The following PLEKHA8 variants were observed in gnomAD, a reference collection of about 807,000 sequenced individuals.
PLEKHA8 encodes pleckstrin homology domain-containing family A member 8.
A neutral mutation model predicts 68.2 loss-of-function variants in PLEKHA8; 36 were observed. The ratio of observed to expected loss-of-function variants is 0.53; its 90% CI spans 0.40 to 0.70. The LOEUF (loss-of-function observed/expected upper bound fraction) is 0.70. PLEKHA8 is among the 30% of genes least tolerant of loss of function. PLEKHA8 has a pLI of 0.00. For synonymous variants in PLEKHA8, 211 were observed against 216.1 expected (o/e 0.98, Z 0.20); for missense variants, 505 against 615.4 (o/e 0.82, Z 1.90).
intron 9 of PLEKHA8, among the ~76,000 whole-genome samples, chr7:30,058,491 C>CT (rs1793178359): frequency 7.7e-6 from 1 of 130,074 alleles, no homozygotes; most frequent in African/African-American, 2.9e-5. Flanking sequence ...TTTTTTTTTC[C>CT]TTGTGGTAAC....
Position 30,060,924 on chromosome 7 carries a change from T to A in PLEKHA8, c.1080T>A (p.Asp360Glu). 1 of 1,613,546 alleles carries A rather than the reference T, an allele frequency of 6.2e-7. No individual in the cohort carries two copies. Among genetic ancestry groups the A allele is most frequent in the Non-Finnish European group, 8.5e-7 (1 of 1,179,712 alleles). Reference protein sequence around the residue: ...GPTVFAPVKMDLVGNIKKVNQ... With the variant: ...GPTVFAPVKMELVGNIKKVNQ... ...CAGTGTTTGCTCCTGTTAAGATGGA[T>A]CTTGTTGGAAATATTAAGGTGAGCA... The change falls in exon 10 of 14, where the codon GAT (aspartate) becomes GAA (glutamate). Residue 360 changes from aspartate (D) to glutamate (E), a missense_variant. By Grantham distance (45) the Asp-to-Glu change is conservative. Transcript: ENST00000449726.
chr7:30,090,486 G>T, exon 13 of PLEKHA8: 1 of 252,218 alleles, frequency 4.0e-6, no homozygotes, highest in Non-Finnish European at 7.6e-6. Flanking sequence ...ATAACTCAAT[G>T]ATGGATGAGC....
chr7:30,121,890 C>T (rs944323434), intron 13 of PLEKHA8, among the ~76,000 whole-genome samples: 2 of 152,208 alleles, frequency 1.3e-5, no homozygotes, highest in Non-Finnish European at 2.9e-5. Context: ...CTGCCCAGGC[C>T]TAGAGTTGCT....
chr7:30,042,949 G>T (rs1308066169), intron 1 of PLEKHA8, among the ~76,000 whole-genome samples: 1 of 152,170 alleles, frequency 6.6e-6, no homozygotes, highest in Non-Finnish European at 1.5e-5. Context: ...CAGGAGTGGT[G>T]GCCTTCACAG....
chr7:30,028,819 G>GGCCGGGGGCGC lies in PLEKHA8; in HGVS notation c.40+27_40+37dup. On this transcript the variant is annotated intron_variant, in intron 1 of 13. Coordinates refer to ENST00000449726, the MANE Select transcript of PLEKHA8 (RefSeq NM_001197026.2). ...ATCTGAGCGGTGAGTGGCCGTGCCG[G>GGCCGGGGGCGC]GCCGGGGGCGCGCCGGGGGCCGGTC... The GGCCGGGGGCGC allele has an allele frequency of 7.9e-7, 1 of 1,261,930 alleles. No homozygotes were observed. The highest frequency in any genetic ancestry group is 1.0e-6 in the Non-Finnish European group (1 of 998,050). 78.2% of individuals were successfully genotyped at this position (1,261,930 alleles called of 1,614,324 possible). A position where few individuals can be genotyped will look rare whatever the true frequency, so the allele number is the denominator to read the frequency against.
chr7:30,044,396 T>A (rs1451250787), intron 1 of PLEKHA8, among the ~76,000 whole-genome samples: 1 of 152,170 alleles, frequency 6.6e-6, no homozygotes, highest in Non-Finnish European at 1.5e-5. Flanking sequence ...ATAGGGTGTG[T>A]GAGAGGACTA....
At chr7:30,124,912 CA>C (rs1796748683) in intron 13 of PLEKHA8, among the ~76,000 whole-genome samples, 1 of 150,608 alleles carries the variant, frequency 6.6e-6, no homozygotes, top group Non-Finnish European at 1.5e-5. Flanking sequence ...TTTGTTCTCC[CA>C]AAAAAATTAG....
chr7:30,103,100 C>T (rs897214228), intron 13 of PLEKHA8, among the ~76,000 whole-genome samples: 25 of 152,006 alleles, frequency 1.6e-4, no homozygotes, highest in South Asian at 2.1e-4. Context: ...GAGAGATTAC[C>T]AGGTGCTGGA....
At position 30,048,066 on chromosome 7, in the gene PLEKHA8, T is replaced by C. The variant is rs911380168; in HGVS notation, c.438+110T>C. The C allele has an allele frequency of 8.0e-6, 5 of 623,770 alleles. No homozygotes were observed. The African/African-American group carries it at 9.8e-5, about 12-fold the overall frequency. 38.6% of individuals were successfully genotyped at this position (623,770 alleles called of 1,614,324 possible). ...TATTATTTTATTAATATTACTAATA[T>C]ACCTAAAAAGCACCAGACGTTGCTT... On this transcript the variant is annotated intron_variant, in intron 4 of 13. Transcript: ENST00000449726.
intron 1 of PLEKHA8, among the ~76,000 whole-genome samples, chr7:30,044,126 C>A (rs1791763080): frequency 6.6e-6 from 1 of 151,402 alleles, no homozygotes; most frequent in Non-Finnish European, 1.5e-5. Context: ...CCTGCCTCAG[C>A]CTCCTGAATA....
chr7:30,070,334 A>G (rs1245377010), intron 12 of PLEKHA8, among the ~76,000 whole-genome samples: 2 of 152,138 alleles, frequency 1.3e-5, no homozygotes, highest in African/African-American at 4.8e-5. Context: ...AAGTGGGAAG[A>G]CAGATGTGCT....
In PLEKHA8 at chr7:30,047,982, TA is replaced by T. The variant is rs1458617073; in HGVS notation, c.438+28del. On this transcript the variant is annotated intron_variant, in intron 4 of 13. Coordinates refer to ENST00000449726, the MANE Select transcript of PLEKHA8 (RefSeq NM_001197026.2). The stretch of plus-strand genomic sequence containing the variant: ...GTAAAATATTATTTATTAATATTAT[TA>T]ATATACATGAATAATATAAAAGAAG... 4.1e-6 allele frequency: 5 copies of T among 1,216,212 alleles called. No homozygotes were observed. In the African/African-American group the frequency reaches 6.4e-5, roughly 16 times the overall value. The allele number at this position is 1,216,212 out of a possible 1,614,324, so 75.3% of individuals were successfully genotyped here.
intron 9 of PLEKHA8, 124 bp downstream of exon 9, chr7:30,055,466 TC>T (rs1792771275): frequency 3.8e-6 from 3 of 799,358 alleles, no homozygotes; most frequent in Admixed American, 1.9e-5. Flanking sequence ...TTTGTTCAAA[TC>T]ACCAGACACA....
intron 9 of PLEKHA8, among the ~76,000 whole-genome samples, 166 bp from the exon 10 acceptor site, chr7:30,060,718 A>G (rs1793370702): frequency 6.6e-6 from 1 of 152,206 alleles, no homozygotes; most frequent in Non-Finnish European, 1.5e-5. Context: ...ATAGAAAAAG[A>G]TGGTAATAGT....
At chr7:30,029,478 C>T (rs536053873) in intron 1 of PLEKHA8, among the ~76,000 whole-genome samples, 16 of 152,270 alleles carry the variant, frequency 1.1e-4, no homozygotes, top group African/African-American at 3.9e-4. Context: ...AGTCCCCGCC[C>T]TTTTTTTCTA....
chr7:30,127,866 A>C (rs911621488), intron 13 of PLEKHA8, among the ~76,000 whole-genome samples: 2 of 152,210 alleles, frequency 1.3e-5, no homozygotes, highest in Non-Finnish European at 2.9e-5. Context: ...AGTACATTGA[A>C]TTCTCCTATA....
chr7:30,128,566 G>GT (rs964015483), intron 13 of PLEKHA8, among the ~76,000 whole-genome samples: 4 of 151,842 alleles, frequency 2.6e-5, no homozygotes, highest in African/African-American at 4.8e-5. Flanking sequence ...GATTGATGGA[G>GT]TTTTTTTTAT....
rs186013094 is a variant in PLEKHA8, at chr7:30,072,552, G to A, written c.1301-1519G>A. On this transcript the variant is annotated intron_variant, in intron 12 of 13. Transcript: ENST00000449726. ...GCAGTGCCATTTTGGCCAGTAAAATGCAAATAAATACCTGACTTCCCTTGG... is the reference window on the plus strand; with the variant it reads ...GCAGTGCCATTTTGGCCAGTAAAATACAAATAAATACCTGACTTCCCTTGG... Among the ~76,000 whole-genome samples, 204 of 152,356 alleles carry A rather than the reference G, an allele frequency of 1.3e-3. 1 individual carries two copies. Among genetic ancestry groups the A allele is most frequent in the Non-Finnish European group, 2.3e-3 (154 of 68,020 alleles).
intron 9 of PLEKHA8, among the ~76,000 whole-genome samples, chr7:30,056,326 A>AT (rs1353228587): frequency 5.3e-5 from 7 of 131,614 alleles, no homozygotes; most frequent in South Asian, 4.7e-4. Flanking sequence ...ATATATATAT[A>AT]TATATAAATA....
Sources: allele counts gnomAD v4.1 joint callset (sites outside exome capture counted in the v4.1 genomes callset), GRCh38; gene constraint gnomAD v4.1.1; transcripts MANE v1.5; gene names NCBI Gene and HGNC (gene_info 2026-07-23, HGNC 2026-07-21).